Variants in PCNA observed in about 807,000 individuals in gnomAD.
The protein encoded by PCNA is proliferating cell nuclear antigen, also known as DNA sliding clamp PCNA.
In PCNA, 4 loss-of-function variants were observed where a neutral mutation model predicts 27.8. That is an observed-to-expected ratio of 0.14 (90% confidence interval 0.07 to 0.33). The LOEUF (loss-of-function observed/expected upper bound fraction) is 0.33, where lower values mean the gene tolerates loss of function less well. Ranked by LOEUF, PCNA falls within the 10% of genes least tolerant of loss-of-function variation. The pLI is 1.00. For missense variants in PCNA, 165 were observed against 327.4 expected (o/e 0.50, Z 3.83); for synonymous variants, 121 against 119.4 (o/e 1.01, Z -0.09).
upstream of PCNA, among the ~76,000 whole-genome samples, chr20:5,123,721 A>G (rs2122918692): frequency 6.6e-6 from 1 of 152,216 alleles, no homozygotes; most frequent in African/African-American, 2.4e-5. Context: ...ACTTTTCCTA[A>G]TAATTATTCA....
Position 5,119,721 on chromosome 20 carries a change from G to C in PCNA, c.78C>G (p.Ala26=). Reference sequence around the variant, plus strand: ...CACCGCTGGAGCTAATATCCCAGCAGGCCTCGTTGATGAGGTCCTTGAGTG... The same window carrying C: ...CACCGCTGGAGCTAATATCCCAGCACGCCTCGTTGATGAGGTCCTTGAGTG... ...LEALKDLINE[A]CWDISSSGVN... Residue 26 remains alanine (A), a synonymous_variant, in exon 1 of 6, where the codon GCC becomes GCG. Coordinates refer to ENST00000379143, the MANE Select transcript of PCNA (RefSeq NM_182649.2). 1 of 1,600,658 alleles carries C rather than the reference G, an allele frequency of 6.2e-7. No individual in the cohort carries two copies. Among genetic ancestry groups the C allele is most frequent in the East Asian group, 2.3e-5 (1 of 44,300 alleles).
At chr20:5,118,522 A>C in intron 3 of PCNA, 88 bp downstream of exon 3, 1 of 967,908 alleles carries the variant, frequency 1.0e-6, no homozygotes, top group Non-Finnish European at 1.6e-6. Flanking sequence ...CAGAGCCAAG[A>C]CCCTGTCTGT....
Position 5,115,824 on chromosome 20 carries a change from A to G in PCNA, c.583-252T>C, listed in dbSNP as rs3730441. On this transcript the variant is annotated intron_variant, in intron 4 of 5. Coordinates refer to ENST00000379143, the MANE Select transcript of PCNA (RefSeq NM_182649.2). ...TGGAAGTTTTTCTAATAAGCAGCCA[A>G]TAAGTGAATAAAACGTATTAATTTC... Among the ~76,000 whole-genome samples, 1,413 of 152,316 alleles carry G rather than the reference A, an allele frequency of 9.3e-3. 70 individuals carry two copies. The highest frequency in any genetic ancestry group is 0.081 in the Admixed American group (1,237 of 15,282).
intron 3 of PCNA, among the ~76,000 whole-genome samples, chr20:5,118,333 A>G (rs1440255274): frequency 6.6e-6 from 1 of 152,228 alleles, no homozygotes; most frequent in Admixed American, 6.5e-5. Context: ...GTTCCAGACC[A>G]GCCTGGGCAA....
chr20:5,126,049 T>C lies in PCNA; in HGVS notation c.-117+451A>G, dbSNP rs111471035. 1.1e-4 allele frequency among the ~76,000 whole-genome samples: 17 copies of C among 152,090 alleles called. 1 individual carries two copies. The highest frequency in any genetic ancestry group is 3.6e-4 in the African/African-American group (15 of 41,488). ...AGGAGTTCGAGACCAGCCTGACCAA[T>C]ATGGTGAAACCCCGTCTCTACTAAA... On this transcript the variant is annotated intron_variant, in intron 1 of 6. Transcript: ENST00000379160.
chr20:5,120,794 A>C (rs1306265692), upstream of PCNA, among the ~76,000 whole-genome samples: 1 of 152,018 alleles, frequency 6.6e-6, no homozygotes, highest in African/African-American at 2.4e-5. Flanking sequence ...GTACACATTT[A>C]ATATTTTTTC....
At chr20:5,120,284 C>CGAAAGT (rs1176012244), upstream of PCNA, among the ~76,000 whole-genome samples, 1 of 152,208 alleles carries the variant, frequency 6.6e-6, no homozygotes, top group African/African-American at 2.4e-5. Flanking sequence ...TTTCCAGCCA[C>CGAAAGT]GAAAGTGAAA....
At position 5,118,820 on chromosome 20, in the gene PCNA, G is replaced by A; in HGVS notation, c.268C>T (p.Leu90=). The stretch of plus-strand genomic sequence containing the variant: ...GTATCCGCGTTATCTTCGGCCCTTA[G>A]TGTAATGATATCTTCATTGCCGGCG... ...KCAGNEDIIT[L]RAEDNADTLA... The change falls in exon 2 of 6, where the codon CTA becomes TTA. Residue 90 remains leucine (L), a synonymous_variant. Transcript: ENST00000379143. The A allele has an allele frequency of 6.2e-7, 1 of 1,614,054 alleles. No individual in the cohort carries two copies.
chr20:5,119,766 G>T lies in PCNA; in HGVS notation c.33C>A (p.Ile11=), dbSNP rs141688754. 6.3e-7 allele frequency: 1 copy of T among 1,580,404 alleles called. No homozygotes were observed. Among genetic ancestry groups the T allele is most frequent in the Non-Finnish European group, 8.6e-7 (1 of 1,163,160 alleles). ...TGAGTGCCTCCAACACCTTCTTGAG[G>T]ATGGAGCCCTGGACCAGGCGCGCCT... MFEARLVQGS[I]LKKVLEALKD... The change falls in exon 1 of 6, where the codon ATC becomes ATA. Residue 11 remains isoleucine, a synonymous_variant. Transcript: ENST00000379143.
At chr20:5,122,065 T>G, upstream of PCNA, among the ~76,000 whole-genome samples, 1 of 151,534 alleles carries the variant, frequency 6.6e-6, no homozygotes, top group Non-Finnish European at 1.5e-5. Flanking sequence ...AACCGCAATC[T>G]CCGCCTCCTG....
At chr20:5,118,145 T>C (rs1343735080) in intron 3 of PCNA, among the ~76,000 whole-genome samples, 1 of 152,208 alleles carries the variant, frequency 6.6e-6, no homozygotes, top group Non-Finnish European at 1.5e-5. Flanking sequence ...AATAGACAAC[T>C]GGCAGTAAAC....
At chr20:5,120,948 A>G (rs2122912225), upstream of PCNA, among the ~76,000 whole-genome samples, 1 of 152,266 alleles carries the variant, frequency 6.6e-6, no homozygotes, top group East Asian at 1.9e-4. Context: ...CTGGGATTAC[A>G]GGTGCCTACC....
Position 5,115,181 on chromosome 20 carries a change from T to TA in PCNA, c.*101dup, listed in dbSNP as rs2090466622. ...AGAAAACAATATCTACATATGTACT[T>TA]AGAGGTACAAATTTGGTGACAGAAA... On this transcript the variant is annotated 3_prime_UTR_variant, in exon 6 of 6. Transcript: ENST00000379143. The TA allele has an allele frequency of 5.2e-6, 4 of 766,456 alleles. No homozygotes were observed. The highest frequency in any genetic ancestry group is 8.9e-6 in the Non-Finnish European group (4 of 448,130). 47.5% of individuals were successfully genotyped at this position (766,456 alleles called of 1,614,324 possible).
upstream of PCNA, among the ~76,000 whole-genome samples, chr20:5,124,015 A>G (rs1307162442): frequency 6.6e-6 from 1 of 152,214 alleles, no homozygotes; most frequent in Non-Finnish European, 1.5e-5. Flanking sequence ...TCTGGCCTCC[A>G]CTGTCCAGTC....
intron 4 of PCNA, 75 bp downstream of exon 4, chr20:5,117,395 A>G: frequency 2.0e-6 from 2 of 1,020,448 alleles, no homozygotes; most frequent in South Asian, 3.2e-5. Flanking sequence ...TCTACTTTTA[A>G]TTTTAGCAAT....
In PCNA at chr20:5,119,942, G is replaced by C; in HGVS notation, c.-144C>G. ...AGAAAGACAACGACCACTCTGCTACGCCTGCAACCGTTTAATGCCGCCGCG... is the reference window on the plus strand; with the variant it reads ...AGAAAGACAACGACCACTCTGCTACCCCTGCAACCGTTTAATGCCGCCGCG... On this transcript the variant is annotated 5_prime_UTR_variant, in exon 1 of 6. Coordinates refer to ENST00000379143, the MANE Select transcript of PCNA (RefSeq NM_182649.2). The C allele has an allele frequency of 4.6e-6, 3 of 654,090 alleles. No individual in the cohort carries two copies. Among genetic ancestry groups the C allele is most frequent in the Non-Finnish European group, 7.9e-6 (3 of 379,004 alleles). The allele number at this position is 654,090 out of a possible 1,614,324, so 40.5% of individuals were successfully genotyped here. A position where few individuals can be genotyped will look rare whatever the true frequency, so the allele number is the denominator to read the frequency against.
intron 4 of PCNA, 26 bp downstream of exon 4, chr20:5,117,442 ATT>A: frequency 6.7e-7 from 1 of 1,503,400 alleles, no homozygotes; most frequent in Non-Finnish European, 9.2e-7. Flanking sequence ...TCTTCAAACT[ATT>A]TTCTTTTTAC....
chr20:5,118,960 T>A (rs1465003103), intron 1 of PCNA, 94 bp from the exon 2 acceptor site: 2 of 773,052 alleles, frequency 2.6e-6, no homozygotes, highest in Non-Finnish European at 2.2e-6. Flanking sequence ...CTCTCACCCA[T>A]CAGGCCGTCT....
rs182103772 is a variant in PCNA at position 5,116,343 on chromosome 20, A to C, written c.583-771T>G. Among the ~76,000 whole-genome samples the C allele has an allele frequency of 3.0e-3, 463 of 152,238 alleles. 2 individuals are homozygous for C. The highest frequency in any genetic ancestry group is 0.01 in the African/African-American group (419 of 41,532). ...GACCCTGTCTCAAAAACAAAGAAAA[A>C]CAGAAAAAGAAAAAAACGAGGTTGG... On this transcript the variant is annotated intron_variant, in intron 4 of 5. Coordinates refer to ENST00000379143, the MANE Select transcript of PCNA (RefSeq NM_182649.2).
Sources: allele counts gnomAD v4.1 joint callset (sites outside exome capture counted in the v4.1 genomes callset), GRCh38; gene constraint gnomAD v4.1.1; transcripts MANE v1.5; gene names NCBI Gene and HGNC (gene_info 2026-07-23, HGNC 2026-07-21).